The following DLC1 variants were observed in gnomAD, a reference collection of about 807,000 sequenced individuals.
DLC1 encodes the protein rho GTPase-activating protein 7.
A neutral mutation model predicts 140.3 loss-of-function variants in DLC1; 54 were observed. The observed-to-expected ratio is 0.38, with a 90% CI of 0.31 to 0.48. The LOEUF (loss-of-function observed/expected upper bound fraction) is 0.48, where lower values mean the gene tolerates loss of function less well. Among genes scored for constraint, DLC1 ranks in the 20% least tolerant of loss-of-function variants. The pLI is 0.96. For missense variants in DLC1, 2,536 were observed against 1,907.0 expected, an observed-to-expected ratio of 1.33 and a Z score of -6.14; for synonymous variants, 986 against 728.1, an observed-to-expected ratio of 1.35 and a Z score of -5.70.
chr8:13,229,555 T>A (rs1028618656), intron 5 of DLC1, among the ~76,000 whole-genome samples: 5 of 152,010 alleles, frequency 3.3e-5, no homozygotes, highest in Non-Finnish European at 7.4e-5. Flanking sequence ...TCAAATTGTG[T>A]ACTTGAAATA....
chr8:13,483,327 C>T (rs1253881181), intron 2 of DLC1, among the ~76,000 whole-genome samples: 2 of 152,176 alleles, frequency 1.3e-5, no homozygotes, highest in East Asian at 1.9e-4. Context: ...TTTGCAGGTT[C>T]CAGGGGTTAC....
chr8:13,191,445 G>A (rs1826748958), intron 5 of DLC1, among the ~76,000 whole-genome samples: 1 of 152,194 alleles, frequency 6.6e-6, no homozygotes, highest in African/African-American at 2.4e-5. Context: ...GGCTGAGGTT[G>A]CAATGAGCTG....
At chr8:13,280,954 C>T (rs567762019) in intron 5 of DLC1, among the ~76,000 whole-genome samples, 1 of 152,276 alleles carries the variant, frequency 6.6e-6, no homozygotes, top group African/African-American at 2.4e-5. Flanking sequence ...ATGGCAGTGC[C>T]TATCCCAGCA....
chr8:13,450,832 A>T (rs542944509), intron 2 of DLC1, among the ~76,000 whole-genome samples: 1 of 152,080 alleles, frequency 6.6e-6, no homozygotes, highest in African/African-American at 2.4e-5. Context: ...GGAGGTCAAG[A>T]TATTGAGACT....
At chr8:13,419,855 G>C (rs554407406) in intron 2 of DLC1, among the ~76,000 whole-genome samples, 1 of 152,110 alleles carries the variant, frequency 6.6e-6, no homozygotes, top group African/African-American at 2.4e-5. Flanking sequence ...GACTCCTTTT[G>C]GTTGGTAAGC....
chr8:13,460,190 G>A (rs577821929), intron 2 of DLC1, among the ~76,000 whole-genome samples: 78 of 152,244 alleles, frequency 5.1e-4, no homozygotes, highest in African/African-American at 1.8e-3. Flanking sequence ...GTATCATTTG[G>A]GGGATTCTAA....
chr8:13,391,280 T>A (rs1490463627), intron 4 of DLC1, among the ~76,000 whole-genome samples: 1 of 152,192 alleles, frequency 6.6e-6, no homozygotes, highest in Non-Finnish European at 1.5e-5. Context: ...TGCATGACAA[T>A]TCTCATGGCT....
intron 2 of DLC1, among the ~76,000 whole-genome samples, chr8:13,405,592 C>G (rs1199824095): frequency 6.6e-6 from 1 of 152,124 alleles, no homozygotes; most frequent in East Asian, 1.9e-4. Context: ...TTCCTGTTAG[C>G]TTTCGAGTTC....
At chr8:13,391,296 G>A (rs1836750334) in intron 4 of DLC1, among the ~76,000 whole-genome samples, 1 of 152,162 alleles carries the variant, frequency 6.6e-6, no homozygotes, top group South Asian at 2.1e-4. Flanking sequence ...TGGCTCACTG[G>A]CTGATGAGTT....
At chr8:13,382,179 A>G (rs553050108) in intron 4 of DLC1, among the ~76,000 whole-genome samples, 1 of 152,272 alleles carries the variant, frequency 6.6e-6, no homozygotes, top group East Asian at 1.9e-4. Context: ...AGGCTTGGTT[A>G]AAGGTAATTT....
In DLC1 at chr8:13,083,870, T is replaced by C. The variant is rs1007160764; in HGVS notation, c.*1941A>G. 4 of 152,628 alleles carry C rather than the reference T, an allele frequency of 2.6e-5. No individual in the cohort carries two copies. The highest frequency in any genetic ancestry group is 9.7e-5 in the African/African-American group (4 of 41,442). The allele number at this position is 152,628 out of a possible 1,614,324, so 9.5% of individuals were successfully genotyped here. A position where few individuals can be genotyped will look rare whatever the true frequency, so the allele number is the denominator to read the frequency against. On this transcript the variant is annotated 3_prime_UTR_variant, in exon 18 of 18. Transcript: ENST00000276297. Reference sequence around the variant, plus strand: ...AATGCTATGCTTTGCAATCTGTGGTTTTAAGGGTGGGAGTGAGATGCAATA... The same window carrying C: ...AATGCTATGCTTTGCAATCTGTGGTCTTAAGGGTGGGAGTGAGATGCAATA...
chr8:13,296,245 C>G (rs1050990607), intron 5 of DLC1, among the ~76,000 whole-genome samples: 1 of 152,088 alleles, frequency 6.6e-6, no homozygotes. Flanking sequence ...CGTGAGCCAC[C>G]ATGCCCAGCC....
chr8:13,245,140 C>A (rs1043838982), intron 5 of DLC1, among the ~76,000 whole-genome samples: 1 of 152,122 alleles, frequency 6.6e-6, no homozygotes, highest in Non-Finnish European at 1.5e-5. Context: ...TTTTGGGGGC[C>A]TTGTTTTAAG....
chr8:13,337,995 T>G (rs1021758349), intron 4 of DLC1, among the ~76,000 whole-genome samples: 1 of 152,202 alleles, frequency 6.6e-6, no homozygotes, highest in African/African-American at 2.4e-5. Context: ...AGTAGTATAC[T>G]TCAGTGTTCC....
intron 4 of DLC1, among the ~76,000 whole-genome samples, chr8:13,382,876 T>C (rs1476781443): frequency 6.6e-6 from 1 of 152,204 alleles, no homozygotes; most frequent in Non-Finnish European, 1.5e-5. Flanking sequence ...CCTCAATAGA[T>C]GTCTGAGGTA....
At chr8:13,369,277 T>C (rs778940159) in intron 4 of DLC1, among the ~76,000 whole-genome samples, 5 of 151,092 alleles carry the variant, frequency 3.3e-5, no homozygotes, top group Admixed American at 6.6e-5. Context: ...GTTGAACTTC[T>C]AATAGATTCA....
At chr8:13,206,209 C>G (rs1218486333) in intron 5 of DLC1, among the ~76,000 whole-genome samples, 1 of 152,174 alleles carries the variant, frequency 6.6e-6, no homozygotes, top group African/African-American at 2.4e-5. Context: ...GAAACATGTT[C>G]ATCTTGCCTT....
In DLC1 at chr8:13,376,514, T is replaced by G. The variant is rs531121383; in HGVS notation, c.1314+17039A>C. On this transcript the variant is annotated intron_variant, in intron 4 of 17. Coordinates refer to ENST00000276297, the MANE Select transcript of DLC1 (RefSeq NM_182643.3). ...AACCTACCCTTTCAATCAGGCAATT[T>G]TAAATATGGGAAAGGCAATATGGTT... is the stretch of plus-strand genomic sequence containing the variant. Among the ~76,000 whole-genome samples the G allele has an allele frequency of 6.0e-4, 91 of 152,276 alleles. 3 individuals carry two copies. In the South Asian group the frequency reaches 0.019, roughly 31 times the overall value.
At chr8:13,304,627 T>G (rs906291027) in intron 5 of DLC1, 2 of 892,802 alleles carry the variant, frequency 2.2e-6, no homozygotes, top group African/African-American at 3.6e-5. Context: ...ATAATATACC[T>G]TTAATCTGTT....
Sources: gnomAD v4.1 joint callset for allele counts (sites outside exome capture counted in the v4.1 genomes callset) on GRCh38, gnomAD v4.1.1 for gene constraint, MANE v1.5 for transcripts, NCBI Gene and HGNC (gene_info 2026-07-23, HGNC 2026-07-21) for gene names.